The following GATAD1 variants were observed in gnomAD, a reference collection of about 807,000 sequenced individuals.
The protein encoded by GATAD1 is GATA zinc finger domain-containing protein 1.
A neutral mutation model predicts 26.5 loss-of-function variants in GATAD1; 12 were observed. That is an observed-to-expected ratio of 0.45 (90% CI 0.29 to 0.73). GATAD1 has a LOEUF of 0.73. Ranked by LOEUF, GATAD1 falls within the 30% of genes least tolerant of loss-of-function variation. The pLI is 0.10. For missense variants in GATAD1, 266 were observed against 342.1 expected, an observed-to-expected ratio of 0.78 and a Z score of 1.75; for synonymous variants, 129 against 133.1, an observed-to-expected ratio of 0.97 and a Z score of 0.21.
At chr7:92,485,050 A>G in the GATAD1 span, among the ~76,000 whole-genome samples, 1 of 152,058 alleles carries the variant, frequency 6.6e-6, no homozygotes, top group African/African-American at 2.4e-5. Context: ...GGGGGTCACA[A>G]GGTGCTCAGT....
the GATAD1 span, among the ~76,000 whole-genome samples, chr7:92,490,596 CT>C: frequency 7.5e-6 from 1 of 133,032 alleles, no homozygotes; most frequent in Admixed American, 8.4e-5. Flanking sequence ...AATTGTGCCA[CT>C]GCACTCTAGT....
the GATAD1 span, among the ~76,000 whole-genome samples, chr7:92,488,345 A>G: frequency 6.6e-6 from 1 of 152,126 alleles, no homozygotes; most frequent in African/African-American, 2.4e-5. Context: ...AATACATAGC[A>G]CTAACGTATG....
rs1314887198 is a variant in GATAD1, at chr7:92,459,622, CT to C, written c.*3062del. Among the ~76,000 whole-genome samples the C allele has an allele frequency of 1.3e-5, 2 of 152,192 alleles. No individual in the cohort carries two copies. Among genetic ancestry groups the C allele is most frequent in the Non-Finnish European group, 2.9e-5 (2 of 68,030 alleles). On this transcript the variant is annotated 3_prime_UTR_variant, in exon 5 of 5. Transcript: ENST00000287957. ...ACCTTCCAAAGGCCTTTCTTAACAC[CT>C]TCGGATTCTTTCTTTGAGAACTTTC...
rs552238004 is a variant in GATAD1 at position 92,447,888 on chromosome 7, G to A, written c.159G>A (p.Gly53=). ...GCTCGGGGGCGGCTGGAGGGACTGG[G>A]GGCAGCGGCGGCGGCGGCTTCGGCG... ...GAGSGAAGGT[G]GSGGGGFGAA... Residue 53 remains glycine (G), a synonymous_variant, in exon 1 of 5, where the codon GGG becomes GGA. Transcript: ENST00000287957. The A allele has an allele frequency of 1.0e-5, 13 of 1,275,734 alleles. No individual in the cohort carries two copies. The highest frequency in any genetic ancestry group is 1.3e-5 in the Non-Finnish European group (13 of 1,011,348). 79.0% of individuals were successfully genotyped at this position (1,275,734 alleles called of 1,614,324 possible). A position where few individuals can be genotyped will look rare whatever the true frequency, so the allele number is the denominator to read the frequency against.
chr7:92,447,996 C>A lies in GATAD1; in HGVS notation c.249+18C>A. On this transcript the variant is annotated intron_variant, in intron 1 of 4. Transcript: ENST00000287957. ...GCAAGCAGGTGAGCTCCTCCGGCCC[C>A]TCCCGCCGGCGGAGGCCGACCAGGT... 9.1e-6 allele frequency: 11 copies of A among 1,212,408 alleles called. 1 individual carries two copies. In the Admixed American group the frequency reaches 4.8e-4, roughly 53 times the overall value. The allele number at this position is 1,212,408 out of a possible 1,614,324, so 75.1% of individuals were successfully genotyped here. A position where few individuals can be genotyped will look rare whatever the true frequency, so the allele number is the denominator to read the frequency against.
chr7:92,495,534 T>C, the GATAD1 span, among the ~76,000 whole-genome samples: 1 of 152,226 alleles, frequency 6.6e-6, no homozygotes, highest in Non-Finnish European at 1.5e-5. Flanking sequence ...TCTTTTTTGC[T>C]CAATTTTGGT....
the GATAD1 span, among the ~76,000 whole-genome samples, chr7:92,480,447 T>C: frequency 2.0e-5 from 3 of 152,174 alleles, no homozygotes; most frequent in Admixed American, 1.3e-4. Context: ...GGTAGTAGAA[T>C]AGCAGATGGA....
Position 92,449,650 on chromosome 7 carries a change from T to C in GATAD1, c.375+773T>C, listed in dbSNP as rs535136871. 116 of 965,470 alleles carry C rather than the reference T, an allele frequency of 1.2e-4. No homozygotes were observed. In the African/African-American group the frequency reaches 1.9e-3, roughly 16 times the overall value. 59.8% of individuals were successfully genotyped at this position (965,470 alleles called of 1,614,324 possible). On this transcript the variant is annotated intron_variant, in intron 2 of 4. Coordinates refer to ENST00000287957, the MANE Select transcript of GATAD1 (RefSeq NM_021167.5). ...AACACAAAGGGACCCTGCAGTAGAC[T>C]TATGCAGATGGCAGACTATTTTCTT... is the stretch of plus-strand genomic sequence containing the variant.
the GATAD1 span, among the ~76,000 whole-genome samples, chr7:92,483,387 G>A: frequency 6.6e-6 from 1 of 152,230 alleles, no homozygotes; most frequent in East Asian, 1.9e-4. Flanking sequence ...CAAATACGTT[G>A]CTACTTGGCT....
At chr7:92,476,091 T>C in the GATAD1 span, among the ~76,000 whole-genome samples, 1 of 152,230 alleles carries the variant, frequency 6.6e-6, no homozygotes, top group Non-Finnish European at 1.5e-5. Context: ...GAGTTCCGCC[T>C]AGGTCTGGTC....
intron 3 of GATAD1, among the ~76,000 whole-genome samples, chr7:92,452,477 G>A (rs1789480480): frequency 1.3e-5 from 2 of 152,186 alleles, no homozygotes; most frequent in African/African-American, 4.8e-5. Flanking sequence ...TGGGGATCAC[G>A]GCCAAGAGTG....
In GATAD1 at chr7:92,454,669, C is replaced by T. The variant is rs150863199; in HGVS notation, c.603C>T (p.Pro201=). 17 of 1,594,652 alleles carry T rather than the reference C, an allele frequency of 1.1e-5. No individual in the cohort carries two copies. Among genetic ancestry groups the T allele is most frequent in the African/African-American group, 2.7e-5 (2 of 74,070 alleles). The stretch of plus-strand genomic sequence containing the variant: ...CTAGCCCCAGAGACCAATTTGATCC[C>T]GCCTCCTATATCATAGGTAAGTTTG... ...TLSSPRDQFD[P]ASYIIGPEED... The change falls in exon 4 of 5, where the codon CCC becomes CCT. Residue 201 remains proline (P), a synonymous_variant. Transcript: ENST00000287957.
At chr7:92,476,820 G>T in the GATAD1 span, among the ~76,000 whole-genome samples, 1 of 152,152 alleles carries the variant, frequency 6.6e-6, no homozygotes, top group African/African-American at 2.4e-5. Flanking sequence ...GGACACCAGG[G>T]ATAAGACTCC....
the GATAD1 span, among the ~76,000 whole-genome samples, chr7:92,495,399 TCTG>T: frequency 6.6e-6 from 1 of 152,146 alleles, no homozygotes; most frequent in Non-Finnish European, 1.5e-5. Flanking sequence ...ACCAGAATTA[TCTG>T]CTACTTGAAT....
the GATAD1 span, chr7:92,493,098 C>T: frequency 6.2e-7 from 1 of 1,608,634 alleles, no homozygotes; most frequent in Non-Finnish European, 8.5e-7. Context: ...TAGAGAGTCA[C>T]TGAGGACATT....
chr7:92,476,519 T>A, the GATAD1 span, among the ~76,000 whole-genome samples: 1 of 152,128 alleles, frequency 6.6e-6, no homozygotes, highest in Non-Finnish European at 1.5e-5. Context: ...CAAGTACAGG[T>A]TTTAAATTTA....
the GATAD1 span, chr7:92,487,099 A>T: frequency 6.2e-6 from 1 of 160,732 alleles, no homozygotes; most frequent in East Asian, 1.8e-4. Context: ...AATGCTACAA[A>T]GGTGATGAAT....
At chr7:92,462,724 G>C (rs909559312), downstream of GATAD1, among the ~76,000 whole-genome samples, 1 of 152,300 alleles carries the variant, frequency 6.6e-6, no homozygotes, top group East Asian at 1.9e-4. Context: ...AGGTCATGAG[G>C]GTGGAGCCCG....
chr7:92,471,927 A>G, the GATAD1 span: 1 of 152,218 alleles, frequency 6.6e-6, no homozygotes, highest in Admixed American at 6.5e-5. Flanking sequence ...AGTGAGGGCT[A>G]TTAGTTCTGC....
Sources: allele counts gnomAD v4.1 joint callset (sites outside exome capture counted in the v4.1 genomes callset), GRCh38; gene constraint gnomAD v4.1.1; transcripts MANE v1.5; gene names NCBI Gene and HGNC (gene_info 2026-07-23, HGNC 2026-07-21).